Variants in STRAP observed in about 807,000 individuals in gnomAD.
The protein encoded by STRAP is serine-threonine kinase receptor-associated protein.
STRAP carries 16 observed loss-of-function variants against 47.0 expected under a neutral mutation model. That is an observed-to-expected ratio of 0.34 (90% CI 0.23 to 0.52). STRAP has a LOEUF of 0.52. STRAP is among the 20% of genes least tolerant of loss of function. The pLI, the probability that STRAP is intolerant of heterozygous loss-of-function variation, is 0.96. For synonymous variants in STRAP, 130 were observed against 142.7 expected (o/e 0.91, Z 0.63); for missense variants, 293 against 420.0 (o/e 0.70, Z 2.64).
At chr12:15,899,601 G>T (rs566948820) in intron 7 of STRAP, among the ~76,000 whole-genome samples, 111 of 152,270 alleles carry the variant, frequency 7.3e-4, no homozygotes, top group East Asian at 6.6e-3. Context: ...ACTTTCTATA[G>T]AATTAATGGG....
chr12:15,882,951 C>G, intron 1 of STRAP, 132 bp downstream of exon 1: 1 of 1,337,298 alleles, frequency 7.5e-7, no homozygotes, highest in Non-Finnish European at 1.0e-6. Context: ...GAGATGAGAG[C>G]CAACACTGGT....
At chr12:15,900,845 A>G (rs1591990414) in intron 8 of STRAP, 102 bp from the exon 9 acceptor site, 1 of 835,178 alleles carries the variant, frequency 1.2e-6, no homozygotes, top group East Asian at 3.3e-5. Flanking sequence ...TTTTGTAGCC[A>G]TTTTCCTGGA....
rs1416560685 is a variant in STRAP, at chr12:15,895,384, G to T, written c.526G>T (p.Glu176Ter). 1 of 1,592,436 alleles carries T rather than the reference G, an allele frequency of 6.3e-7. No individual in the cohort carries two copies. The highest frequency in any genetic ancestry group is 8.5e-7 in the Non-Finnish European group (1 of 1,173,892). The change falls in exon 6 of 10, where the codon GAA (glutamate) becomes TAA (stop). Residue 176 changes from glutamate to a stop codon, truncating the protein, a stop_gained. Transcript: ENST00000419869. LOFTEE classifies it high-confidence loss of function. ...ACTTTGGGATCATGCTACTATGACAGAAGTGAAATCTCTAAATTTTAATAT... is the reference window on the plus strand; with the variant it reads ...ACTTTGGGATCATGCTACTATGACATAAGTGAAATCTCTAAATTTTAATAT... ...VRLWDHATMT[E>*]VKSLNFNMSV...
At position 15,901,935 on chromosome 12, in the gene STRAP, TAAA is replaced by T. The variant is rs530541443; in HGVS notation, c.991+924_991+926del. 1.3e-3 allele frequency among the ~76,000 whole-genome samples: 197 copies of T among 150,132 alleles called. No individual in the cohort carries two copies. The Middle Eastern group carries it at 0.014, about 11-fold the overall frequency. Reference sequence around the variant, plus strand: ...ATTGGACTGGGAACAAGAGTGAACATAAACCAGTTAGGGGGCATTGTAGTCTAG... The same window carrying T: ...ATTGGACTGGGAACAAGAGTGAACATCCAGTTAGGGGGCATTGTAGTCTAG... On this transcript the variant is annotated intron_variant, in intron 9 of 9. Coordinates refer to ENST00000419869, the MANE Select transcript of STRAP (RefSeq NM_007178.4).
chr12:15,903,173 G>A lies in STRAP; in HGVS notation c.*195G>A. 1 of 478,338 alleles carries A rather than the reference G, an allele frequency of 2.1e-6. No individual in the cohort carries two copies. Among genetic ancestry groups the A allele is most frequent in the Non-Finnish European group, 3.5e-6 (1 of 285,934 alleles). The allele number at this position is 478,338 out of a possible 1,614,324, so 29.6% of individuals were successfully genotyped here. On this transcript the variant is annotated 3_prime_UTR_variant, in exon 10 of 10. Coordinates refer to ENST00000419869, the MANE Select transcript of STRAP (RefSeq NM_007178.4). ...GTGAAAACTCAAGTGTCAGATGAAG[G>A]GAGGTGGAGTTATCCTCTTATAGTA...
chr12:15,884,327 C>T (rs1434584449), intron 2 of STRAP, among the ~76,000 whole-genome samples: 2 of 152,046 alleles, frequency 1.3e-5, no homozygotes, highest in Non-Finnish European at 2.9e-5. Context: ...TATTCATTTT[C>T]CATATTGTTG....
intron 7 of STRAP, chr12:15,898,229 GAA>G: frequency 3.5e-6 from 1 of 287,950 alleles, no homozygotes; most frequent in South Asian, 6.5e-5. Flanking sequence ...AAAGTATGCA[GAA>G]ATTTATCCTT....
At chr12:15,883,701 T>G (rs1389485046) in intron 2 of STRAP, 25 bp downstream of exon 2, 3 of 1,612,376 alleles carry the variant, frequency 1.9e-6, no homozygotes, top group South Asian at 1.1e-5. Flanking sequence ...GATGGCTAAC[T>G]TTGGTGTTCT....
At chr12:15,891,117 G>A (rs1334030564) in intron 4 of STRAP, among the ~76,000 whole-genome samples, 1 of 151,192 alleles carries the variant, frequency 6.6e-6, no homozygotes, top group Non-Finnish European at 1.5e-5. Context: ...ATCAGTTTTT[G>A]GTTTATAAAC....
rs1426414364 is a variant in STRAP, at chr12:15,887,476, A to G, written c.249-2452A>G. ...ATATATGTCAATTTCTTGCCTGGAG[A>G]TTGAATAATACATTAGGAAACATTT... is the stretch of plus-strand genomic sequence containing the variant. On this transcript the variant is annotated intron_variant, in intron 2 of 9. Transcript: ENST00000419869. This position sits in a 1 kb window ranked among gnomAD's most constrained non-coding sequence, Gnocchi z 5.5. Among the ~76,000 whole-genome samples the G allele has an allele frequency of 6.6e-6, 1 of 152,152 alleles. No individual in the cohort carries two copies. Among genetic ancestry groups the G allele is most frequent in the East Asian group, 1.9e-4 (1 of 5,196 alleles).
intron 2 of STRAP, among the ~76,000 whole-genome samples, chr12:15,889,319 CA>C (rs1397268097): frequency 6.6e-6 from 1 of 152,058 alleles, no homozygotes; most frequent in Non-Finnish European, 1.5e-5. Flanking sequence ...ATTATATAAT[CA>C]AAGGCTGATA....
rs1449389555 is a variant in STRAP at position 15,902,987 on chromosome 12, C to G, written c.*9C>G. On this transcript the variant is annotated 3_prime_UTR_variant, in exon 10 of 10. Coordinates refer to ENST00000419869, the MANE Select transcript of STRAP (RefSeq NM_007178.4). ...CTGATGTTAAGGCCTGAGCGTCAAT[C>G]ATATGTGCAGTTAGTATACAACTGA... 1 of 1,395,128 alleles carries G rather than the reference C, an allele frequency of 7.2e-7. No individual in the cohort carries two copies. The highest frequency in any genetic ancestry group is 1.3e-5 in the South Asian group (1 of 77,490). 86.4% of individuals were successfully genotyped at this position (1,395,128 alleles called of 1,614,324 possible). A position where few individuals can be genotyped will look rare whatever the true frequency, so the allele number is the denominator to read the frequency against.
Position 15,883,458 on chromosome 12 carries a change from A to G in STRAP, c.113-83A>G, listed in dbSNP as rs16911383. The G allele has an allele frequency of 4.2e-3, 6,048 of 1,444,062 alleles. 224 individuals are homozygous for G. In the African/African-American group the frequency reaches 0.078, roughly 19 times the overall value. The allele number at this position is 1,444,062 out of a possible 1,614,324, so 89.5% of individuals were successfully genotyped here. On this transcript the variant is annotated intron_variant, in intron 1 of 9. Transcript: ENST00000419869. ...AACAATTTTTCCACTTTGTCATTGA[A>G]CATCATTGTATATTTACATTTGAAT...
intron 7 of STRAP, among the ~76,000 whole-genome samples, chr12:15,899,227 G>A (rs1948084064): frequency 1.3e-5 from 2 of 152,196 alleles, no homozygotes; most frequent in South Asian, 2.1e-4. Flanking sequence ...ACACAGATGG[G>A]AGACAGAATA....
intron 2 of STRAP, among the ~76,000 whole-genome samples, chr12:15,886,096 G>A (rs113823315): frequency 2.6e-5 from 4 of 152,140 alleles, no homozygotes; most frequent in African/African-American, 9.6e-5. Flanking sequence ...AAGGCTTTAG[G>A]TGCTGTGTTA....
Position 15,894,271 on chromosome 12 carries a change from C to T in STRAP, c.500+128C>T, listed in dbSNP as rs374566251. On this transcript the variant is annotated intron_variant, in intron 5 of 9. Transcript: ENST00000419869. The surrounding 1 kb of genome is among the most constrained non-coding windows in gnomAD (Gnocchi z 4.9). Reference sequence around the variant, plus strand: ...GTCAGGAGTACTAGACCAGCCTGGCCGACATGGCGAAATACTGTCTCTATG... The same window carrying T: ...GTCAGGAGTACTAGACCAGCCTGGCTGACATGGCGAAATACTGTCTCTATG... 76 of 634,052 alleles carry T rather than the reference C, an allele frequency of 1.2e-4. 1 individual carries two copies. Among genetic ancestry groups the T allele is most frequent in the East Asian group, 6.2e-4 (21 of 33,890 alleles). 39.3% of individuals were successfully genotyped at this position (634,052 alleles called of 1,614,324 possible).
intron 2 of STRAP, among the ~76,000 whole-genome samples, chr12:15,885,488 CTTT>C (rs5796649): frequency 1.5e-5 from 2 of 132,466 alleles, no homozygotes; most frequent in Non-Finnish European, 1.6e-5. Flanking sequence ...CGTGCCTGGC[CTTT>C]TTTTTTTTTT....
At chr12:15,884,141 T>G (rs1361529396) in intron 2 of STRAP, among the ~76,000 whole-genome samples, 1 of 152,246 alleles carries the variant, frequency 6.6e-6, no homozygotes, top group African/African-American at 2.4e-5. Flanking sequence ...CGTCATTTCC[T>G]AAGTTTTTAA....
intron 4 of STRAP, 122 bp from the exon 5 acceptor site, chr12:15,893,925 G>A: frequency 1.4e-6 from 1 of 737,854 alleles, no homozygotes; most frequent in South Asian, 1.7e-5. Flanking sequence ...AATTGGGCTG[G>A]GCTTTGAAAA....
Sources: allele counts gnomAD v4.1 joint callset (sites outside exome capture counted in the v4.1 genomes callset), GRCh38; gene constraint gnomAD v4.1.1; non-coding constraint Gnocchi (gnomAD v3.1); transcripts MANE v1.5; gene names NCBI Gene and HGNC (gene_info 2026-07-23, HGNC 2026-07-21).